The following ANKS6 variants were observed in gnomAD, a reference collection of about 807,000 sequenced individuals.
ANKS6 encodes the protein ankyrin repeat and SAM domain-containing protein 6.
A neutral mutation model predicts 77.9 loss-of-function variants in ANKS6; 47 were observed. The observed-to-expected ratio is 0.60, with a 90% confidence interval of 0.48 to 0.77. The LOEUF (loss-of-function observed/expected upper bound fraction) is 0.77. Among genes scored for constraint, ANKS6 ranks in the 30% least tolerant of loss-of-function variants. The probability of loss-of-function intolerance (pLI) is 0.00; values close to 1 mark genes in which losing one functional copy is unlikely to be tolerated. For missense variants in ANKS6, 1,150 were observed against 1,159.1 expected (o/e 0.99, Z 0.11); for synonymous variants, 488 against 501.7 (o/e 0.97, Z 0.37).
In ANKS6 at chr9:98,796,117, G is replaced by C; in HGVS notation, c.359+16C>G. ...GCACCACTCTGGTCCCGGGCCCCCG[G>C]GCCCCGCCGCCTCACCTGGCCGCCT... is the stretch of plus-strand genomic sequence containing the variant. On this transcript the variant is annotated intron_variant, in intron 1 of 14. Transcript: ENST00000353234. The C allele has an allele frequency of 7.5e-7, 1 of 1,339,024 alleles. No individual in the cohort carries two copies. The highest frequency in any genetic ancestry group is 9.6e-7 in the Non-Finnish European group (1 of 1,046,670). The allele number at this position is 1,339,024 out of a possible 1,614,324, so 82.9% of individuals were successfully genotyped here.
rs865780458 is a variant in ANKS6, at chr9:98,768,219, G to A, written c.2004C>T (p.Ile668=). ...CGGCTGCTTTTTTCCTCTGGGCAGCGATTTGGGACAAGACATTGTCTATGC... is the reference window on the plus strand; with the variant it reads ...CGGCTGCTTTTTTCCTCTGGGCAGCAATTTGGGACAAGACATTGTCTATGC... The part of the protein sequence containing the change: ...GGSIDNVLSQ[I]AAQRKKAAGL... The change falls in exon 11 of 15, where the codon ATC becomes ATT. Residue 668 remains isoleucine (I), a synonymous_variant. Transcript: ENST00000353234. 20 of 1,614,002 alleles carry A rather than the reference G, an allele frequency of 1.2e-5. No individual in the cohort carries two copies. The highest frequency in any genetic ancestry group is 4.5e-5 in the East Asian group (2 of 44,898).
At chr9:98,782,434 T>A in intron 5 of ANKS6, 33 bp downstream of exon 5, 1 of 1,587,148 alleles carries the variant, frequency 6.3e-7, no homozygotes, top group East Asian at 2.2e-5. Flanking sequence ...AAACGCTGGG[T>A]AGATTTACAA....
rs144756904 is a variant in ANKS6, at chr9:98,788,679, A to G, written c.862+1425T>C. On this transcript the variant is annotated intron_variant, in intron 2 of 14. Transcript: ENST00000353234. The stretch of plus-strand genomic sequence containing the variant: ...CCCCGTAGTAGTTGTCATTGTGTCC[A>G]TTTCACAGATGAGGCAAAGGCTCAG... Among the ~76,000 whole-genome samples, 490 of 152,286 alleles carry G rather than the reference A, an allele frequency of 3.2e-3. 4 individuals are homozygous for G. The highest frequency in any genetic ancestry group is 7.6e-3 in the Admixed American group (116 of 15,300).
At position 98,796,444 on chromosome 9, in the gene ANKS6, C is replaced by T. The variant is rs1835181249; in HGVS notation, c.48G>A (p.Ala16=). Reference sequence around the variant, plus strand: ...CCGTCTCCGTGTCGCCCTGGTCACACGCGCGCAGCAGCAGCTGGAAGGCCG... The same window carrying T: ...CCGTCTCCGTGTCGCCCTGGTCACATGCGCGCAGCAGCAGCTGGAAGGCCG... ...LPPAFQLLLR[A]CDQGDTETAR... The change falls in exon 1 of 15, where the codon GCG becomes GCA. Residue 16 remains alanine, a synonymous_variant. Coordinates refer to ENST00000353234, the MANE Select transcript of ANKS6 (RefSeq NM_173551.5). 3 of 994,662 alleles carry T rather than the reference C, an allele frequency of 3.0e-6. No individual in the cohort carries two copies. The highest frequency in any genetic ancestry group is 3.6e-6 in the Non-Finnish European group (3 of 838,060). The allele number at this position is 994,662 out of a possible 1,614,324, so 61.6% of individuals were successfully genotyped here. A position where few individuals can be genotyped will look rare whatever the true frequency, so the allele number is the denominator to read the frequency against.
intron 11 of ANKS6, among the ~76,000 whole-genome samples, chr9:98,760,801 T>C (rs1260259882): frequency 8.9e-5 from 2 of 22,490 alleles, no homozygotes; most frequent in Admixed American, 4.4e-4. Flanking sequence ...TATTCACCTG[T>C]TGAAGAACAT....
chr9:98,766,738 T>G (rs1249318263), intron 11 of ANKS6, among the ~76,000 whole-genome samples: 1 of 152,208 alleles, frequency 6.6e-6, no homozygotes. Context: ...AAAAGAGTTG[T>G]GTAACCAAGA....
intron 11 of ANKS6, among the ~76,000 whole-genome samples, chr9:98,767,117 G>A (rs1833345463): frequency 6.6e-6 from 1 of 152,156 alleles, no homozygotes; most frequent in Admixed American, 6.5e-5. Flanking sequence ...TCTTGTTCCA[G>A]GAAGGCATCT....
chr9:98,777,965 G>A (rs200021020), intron 7 of ANKS6, among the ~76,000 whole-genome samples: 1 of 152,174 alleles, frequency 6.6e-6, no homozygotes, highest in African/African-American at 2.4e-5. Flanking sequence ...GAGAGAGGAC[G>A]ACTCCCTGTC....
At chr9:98,739,898 G>T (rs373527918) in intron 14 of ANKS6, among the ~76,000 whole-genome samples, 8 of 151,230 alleles carry the variant, frequency 5.3e-5, no homozygotes, top group African/African-American at 1.9e-4. Context: ...TGGGACTACA[G>T]GCGCCCGCCA....
At chr9:98,766,774 C>T (rs914823265) in intron 11 of ANKS6, among the ~76,000 whole-genome samples, 3 of 152,166 alleles carry the variant, frequency 2.0e-5, no homozygotes, top group Non-Finnish European at 4.4e-5. Context: ...ATGACTATTT[C>T]TCATACAGTA....
chr9:98,732,576 G>C lies in ANKS6; in HGVS notation c.*3943C>G, dbSNP rs1564164518. On this transcript the variant is annotated 3_prime_UTR_variant, in exon 15 of 15. Transcript: ENST00000353234. ...TGGCTACGTCAGGGCAGAAGGGAGA[G>C]AAGAAAGAGAGATGAGAGATGAAAG... 6.4e-7 allele frequency: 1 copy of C among 1,550,550 alleles called. No individual in the cohort carries two copies. Among genetic ancestry groups the C allele is most frequent in the Admixed American group, 2.0e-5 (1 of 51,002 alleles).
rs565006208 is a variant in ANKS6 at position 98,791,062 on chromosome 9, G to A, written c.360-456C>T. Among the ~76,000 whole-genome samples, 15 of 152,356 alleles carry A rather than the reference G, an allele frequency of 9.8e-5. No individual in the cohort carries two copies. Among genetic ancestry groups the A allele is most frequent in the South Asian group, 8.3e-4 (4 of 4,826 alleles). On this transcript the variant is annotated intron_variant, in intron 1 of 14. Transcript: ENST00000353234. This position sits in a 1 kb window ranked among gnomAD's most constrained non-coding sequence, Gnocchi z 4.3. ...TGCCAAGGGTTACCCGGCTGGTAAG[G>A]GGTGGCATCAGGGTCAGGACAGGTC...
chr9:98,796,546 G>A lies in ANKS6; in HGVS notation c.-55C>T. 7 of 958,750 alleles carry A rather than the reference G, an allele frequency of 7.3e-6. No homozygotes were observed. The highest frequency in any genetic ancestry group is 8.7e-6 in the Non-Finnish European group (7 of 806,582). The allele number at this position is 958,750 out of a possible 1,614,324, so 59.4% of individuals were successfully genotyped here. A position where few individuals can be genotyped will look rare whatever the true frequency, so the allele number is the denominator to read the frequency against. ...CCGCCCCGCCGGCCGCGTCGGCTCC[G>A]CCCCCGGATACCGCCCGCAGGCGCC... On this transcript the variant is annotated 5_prime_UTR_variant, in exon 1 of 15. Transcript: ENST00000353234.
chr9:98,782,620 C>T (rs1312320915), intron 4 of ANKS6, 47 bp from the exon 5 acceptor site: 3 of 1,517,332 alleles, frequency 2.0e-6, no homozygotes, highest in Non-Finnish European at 2.7e-6. Context: ...AAAGGCATGG[C>T]TTTGCTCCTG....
chr9:98,790,136 A>G lies in ANKS6; in HGVS notation c.830T>C (p.Leu277Pro), dbSNP rs987900347. Reference protein sequence around the residue: ...DCKHRDLVDYLDPLTTVRPKT... With the variant: ...DCKHRDLVDYPDPLTTVRPKT... ...GGGCCTGACGGTGGTCAGCGGGTCC[A>G]GGTAGTCTACAAGGTCCCTGTGCTT... Residue 277 changes from leucine to proline, a missense_variant, in exon 2 of 15, where the codon CTG (leucine) becomes CCG (proline). Leu to Pro is a moderately conservative substitution (Grantham distance 98). Coordinates refer to ENST00000353234, the MANE Select transcript of ANKS6 (RefSeq NM_173551.5). 6.3e-7 allele frequency: 1 copy of G among 1,579,246 alleles called. No individual in the cohort carries two copies. Among genetic ancestry groups the G allele is most frequent in the Non-Finnish European group, 8.7e-7 (1 of 1,154,942 alleles).
rs1318572226 is a variant in ANKS6, at chr9:98,750,962, TAC to T, written c.2394+65_2394+66del. ...AATCTAGGCTTGCAAAATGAAAACC[TAC>T]ACATTTAGACAAATTTTTCTTTCAT... is the stretch of plus-strand genomic sequence containing the variant. On this transcript the variant is annotated intron_variant, in intron 13 of 14. Coordinates refer to ENST00000353234, the MANE Select transcript of ANKS6 (RefSeq NM_173551.5). The T allele has an allele frequency of 2.2e-6, 3 of 1,336,024 alleles. No homozygotes were observed. The African/African-American group carries it at 4.4e-5, about 20-fold the overall frequency. 82.8% of individuals were successfully genotyped at this position (1,336,024 alleles called of 1,614,324 possible).
Position 98,751,057 on chromosome 9 carries a change from T to C in ANKS6, c.2366A>G (p.Lys789Arg). 1 of 1,611,120 alleles carries C rather than the reference T, an allele frequency of 6.2e-7. No individual in the cohort carries two copies. Among genetic ancestry groups the C allele is most frequent in the Non-Finnish European group, 8.5e-7 (1 of 1,178,990 alleles). Reference sequence around the variant, plus strand: ...TTGTTCCTCAAAAATGGGCTGATATTTCTCAAGTGATAATTTCTTAAGGAT... The same window carrying C: ...TTGTTCCTCAAAAATGGGCTGATATCTCTCAAGTGATAATTTCTTAAGGAT... ...TGILKKLSLE[K>R]YQPIFEEQEV... The change falls in exon 13 of 15, where the codon AAA becomes AGA. Residue 789 changes from lysine (K) to arginine (R), a missense_variant. Transcript: ENST00000353234.
At chr9:98,751,469 C>A (rs1020312050) in intron 12 of ANKS6, among the ~76,000 whole-genome samples, 1 of 152,192 alleles carries the variant, frequency 6.6e-6, no homozygotes, top group Non-Finnish European at 1.5e-5. Flanking sequence ...CCAATGCCTG[C>A]AGTAAATGCC....
rs373242601 is a variant in ANKS6 at position 98,768,924 on chromosome 9, G to A, written c.1973-674C>T. Among the ~76,000 whole-genome samples, 8 of 152,200 alleles carry A rather than the reference G, an allele frequency of 5.3e-5. No homozygotes were observed. In the South Asian group the frequency reaches 8.3e-4, roughly 16 times the overall value. On this transcript the variant is annotated intron_variant, in intron 10 of 14. Coordinates refer to ENST00000353234, the MANE Select transcript of ANKS6 (RefSeq NM_173551.5). ...GCGGGCAGATCACAAGGTAGAGATCGAGACCAGCCTGGCCAACATGGTGAA... is the reference window on the plus strand; with the variant it reads ...GCGGGCAGATCACAAGGTAGAGATCAAGACCAGCCTGGCCAACATGGTGAA...
Sources: allele counts gnomAD v4.1 joint callset (sites outside exome capture counted in the v4.1 genomes callset), GRCh38; gene constraint gnomAD v4.1.1; non-coding constraint Gnocchi (gnomAD v3.1); transcripts MANE v1.5; gene names NCBI Gene and HGNC (gene_info 2026-07-23, HGNC 2026-07-21).